The following EPHA6 variants were observed in gnomAD, a reference collection of about 807,000 sequenced individuals.
EPHA6 encodes ephrin type-A receptor 6.
EPHA6 carries 50 observed loss-of-function variants against 112.0 expected under a neutral mutation model. The ratio of observed to expected loss-of-function variants is 0.45; its 90% confidence interval spans 0.36 to 0.56. The LOEUF is 0.56. Ranked by LOEUF, EPHA6 falls within the 20% of genes least tolerant of loss-of-function variation. The pLI, the probability that EPHA6 is intolerant of heterozygous loss-of-function variation, is 0.00. For synonymous variants in EPHA6, 529 were observed against 490.7 expected (o/e 1.08, Z -1.03); for missense variants, 1,280 against 1,417.4 (o/e 0.90, Z 1.56).
intron 4 of EPHA6, among the ~76,000 whole-genome samples, chr3:97,243,300 C>T (rs902518314): frequency 6.6e-6 from 1 of 151,734 alleles, no homozygotes; most frequent in African/African-American, 2.4e-5. Flanking sequence ...TGTCAGTGGC[C>T]CCTTTTTATC....
At chr3:96,946,172 T>C (rs1183950645) in intron 2 of EPHA6, among the ~76,000 whole-genome samples, 2 of 152,260 alleles carry the variant, frequency 1.3e-5, no homozygotes, top group East Asian at 3.9e-4. Flanking sequence ...GATAGCTCAT[T>C]TCTTTTTTTT....
intron 2 of EPHA6, among the ~76,000 whole-genome samples, chr3:96,904,107 G>A (rs1018056961): frequency 6.6e-6 from 1 of 152,002 alleles, no homozygotes; most frequent in East Asian, 1.9e-4. Flanking sequence ...CCGTTACTGG[G>A]TATATACCCA....
Position 97,138,235 on chromosome 3 carries a change from T to G in EPHA6, c.1115-88029T>G, listed in dbSNP as rs114097899. ...TGTCTGAGGAAGCTGCTGGTGACCA[T>G]GCAGAGCCACTGCTTGAACTCACAC... On this transcript the variant is annotated intron_variant, in intron 3 of 17. Transcript: ENST00000389672. Among the ~76,000 whole-genome samples, 750 of 152,232 alleles carry G rather than the reference T, an allele frequency of 4.9e-3. 6 individuals are homozygous for G. Among genetic ancestry groups the G allele is most frequent in the African/African-American group, 0.016 (662 of 41,542 alleles).
intron 11 of EPHA6, among the ~76,000 whole-genome samples, chr3:97,554,949 C>A (rs2093082202): frequency 6.6e-6 from 1 of 151,352 alleles, no homozygotes; most frequent in Admixed American, 6.6e-5. Flanking sequence ...TATTATTATA[C>A]CTTAAGTTTT....
In EPHA6 at chr3:97,136,977, C is replaced by T. The variant is rs985016623; in HGVS notation, c.1115-89287C>T. On this transcript the variant is annotated intron_variant, in intron 3 of 17. Coordinates refer to ENST00000389672, the MANE Select transcript of EPHA6 (RefSeq NM_001080448.3). Reference sequence around the variant, plus strand: ...TAAAAATATGCAAATCTCAATCTCACTCATGATTGTATATAATAACCTACC... The same window carrying T: ...TAAAAATATGCAAATCTCAATCTCATTCATGATTGTATATAATAACCTACC... Among the ~76,000 whole-genome samples the T allele has an allele frequency of 5.9e-5, 9 of 152,076 alleles. No homozygotes were observed. The East Asian group carries it at 1.2e-3, about 20-fold the overall frequency.
chr3:97,536,080 C>A (rs572480509), intron 11 of EPHA6, among the ~76,000 whole-genome samples: 45 of 152,186 alleles, frequency 3.0e-4, no homozygotes, highest in Non-Finnish European at 5.7e-4. Context: ...TTAATTGACC[C>A]ATAACCATAT....
At chr3:96,836,943 T>C (rs2034452625) in intron 1 of EPHA6, among the ~76,000 whole-genome samples, 2 of 152,140 alleles carry the variant, frequency 1.3e-5, no homozygotes, top group Non-Finnish European at 2.9e-5. Context: ...TATTCCCCTT[T>C]TTATAAATCA....
intron 2 of EPHA6, among the ~76,000 whole-genome samples, chr3:96,891,963 G>T (rs113204788): frequency 2.8e-4 from 42 of 152,180 alleles, no homozygotes; most frequent in Non-Finnish European, 5.3e-4. Context: ...CAGTTGAACA[G>T]GTTACATTGC....
In EPHA6 at chr3:96,979,231, C is replaced by G. The variant is rs544603067; in HGVS notation, c.451-8099C>G. Among the ~76,000 whole-genome samples, 13 of 140,492 alleles carry G rather than the reference C, an allele frequency of 9.3e-5. No individual in the cohort carries two copies. In the East Asian group the frequency reaches 2.7e-3, roughly 29 times the overall value. The allele number at this position is 140,492 out of a possible 152,430, so 92.2% of individuals were successfully genotyped here. The stretch of plus-strand genomic sequence containing the variant: ...CCCTCCCCCCACCCCACCACAGGCC[C>G]CGGTGTGTGATGTTCCCCTTCCTGT... On this transcript the variant is annotated intron_variant, in intron 2 of 17. Transcript: ENST00000389672.
chr3:97,480,420 G>T (rs2091498163), intron 9 of EPHA6, among the ~76,000 whole-genome samples: 1 of 151,930 alleles, frequency 6.6e-6, no homozygotes, highest in East Asian at 1.9e-4. Context: ...TGAGATTAGG[G>T]AGTGGTGATG....
intron 10 of EPHA6, among the ~76,000 whole-genome samples, chr3:97,510,376 G>T (rs965491005): frequency 2.0e-5 from 3 of 152,144 alleles, no homozygotes; most frequent in Admixed American, 2.0e-4. Flanking sequence ...TTTCTGTGTG[G>T]ACATCCTTTT....
At chr3:97,087,630 A>G (rs964930230) in intron 3 of EPHA6, among the ~76,000 whole-genome samples, 26 of 152,140 alleles carry the variant, frequency 1.7e-4, no homozygotes, top group Middle Eastern at 3.2e-3. Context: ...GCAAATTTCT[A>G]CACATTGAAA....
intron 5 of EPHA6, among the ~76,000 whole-genome samples, chr3:97,361,675 A>T (rs2084380551): frequency 6.6e-6 from 1 of 152,180 alleles, no homozygotes; most frequent in South Asian, 2.1e-4. Context: ...ATAAAGCCCC[A>T]GTCCCATGAA....
At chr3:97,665,078 G>T (rs2094196139) in intron 14 of EPHA6, among the ~76,000 whole-genome samples, 2 of 152,236 alleles carry the variant, frequency 1.3e-5, no homozygotes, top group South Asian at 4.1e-4. Context: ...CTACTACAAG[G>T]CTACAGTAAC....
chr3:97,641,097 CAG>C (rs1380613191), intron 14 of EPHA6, among the ~76,000 whole-genome samples: 1 of 152,126 alleles, frequency 6.6e-6, no homozygotes, highest in Non-Finnish European at 1.5e-5. Context: ...TTAATCAAGA[CAG>C]AGAATCCCTA....
rs180766458 is a variant in EPHA6, at chr3:97,355,186, C to T, written c.1607-49964C>T. 2.3e-3 allele frequency among the ~76,000 whole-genome samples: 357 copies of T among 152,078 alleles called. 3 individuals are homozygous for T. The highest frequency in any genetic ancestry group is 7.9e-3 in the African/African-American group (327 of 41,514). Reference sequence around the variant, plus strand: ...AATCACCTGAAGGTACAAGACTCAGCGGTAATAGTAGGTACACAGAGAAAC... The same window carrying T: ...AATCACCTGAAGGTACAAGACTCAGTGGTAATAGTAGGTACACAGAGAAAC... On this transcript the variant is annotated intron_variant, in intron 5 of 17. Transcript: ENST00000389672.
At chr3:97,039,741 A>G (rs544922481) in intron 3 of EPHA6, among the ~76,000 whole-genome samples, 6 of 152,142 alleles carry the variant, frequency 3.9e-5, no homozygotes, top group Admixed American at 2.6e-4. Context: ...AAAACTGACA[A>G]TTGTTTGCCA....
chr3:97,412,861 T>A (rs1195063577), intron 6 of EPHA6, among the ~76,000 whole-genome samples: 1 of 152,026 alleles, frequency 6.6e-6, no homozygotes, highest in Non-Finnish European at 1.5e-5. Context: ...AATAATACAA[T>A]GTGGGATATA....
At chr3:97,126,267 T>C (rs2048179880) in intron 3 of EPHA6, among the ~76,000 whole-genome samples, 1 of 152,186 alleles carries the variant, frequency 6.6e-6, no homozygotes, top group South Asian at 2.1e-4. Flanking sequence ...CAGGGGATTG[T>C]AGTTCTCTTG....
Sources: allele counts gnomAD v4.1 joint callset (sites outside exome capture counted in the v4.1 genomes callset), GRCh38; gene constraint gnomAD v4.1.1; transcripts MANE v1.5; gene names NCBI Gene and HGNC (gene_info 2026-07-23, HGNC 2026-07-21).